SEPTIN3: variants seen among roughly 807,000 people sequenced by gnomAD.
SEPTIN3 encodes the protein neuronal-specific septin-3.
SEPTIN3 carries 15 observed loss-of-function variants against 45.1 expected under a neutral mutation model. The observed-to-expected ratio is 0.33, with a 90% confidence interval of 0.22 to 0.51. The LOEUF is 0.51. SEPTIN3 is among the 20% of genes least tolerant of loss of function. The probability of loss-of-function intolerance (pLI) is 0.97; values close to 1 mark genes in which losing one functional copy is unlikely to be tolerated. For synonymous variants in SEPTIN3, 148 were observed against 164.8 expected (o/e 0.90, Z 0.78); for missense variants, 289 against 457.2 (o/e 0.63, Z 3.35).
intron 7 of SEPTIN3, among the ~76,000 whole-genome samples, chr22:41,990,701 G>GTGCTACTGTA (rs1191549560): frequency 6.9e-6 from 1 of 144,736 alleles, no homozygotes; most frequent in African/African-American, 2.6e-5. Flanking sequence ...AGCTGAGATC[G>GTGCTACTGTA]TGCTACTGTA....
In SEPTIN3 at chr22:41,971,773, G is replaced by A. The variant is rs1299632232; in HGVS notation, c.281G>A (p.Ser94Asn). The A allele has an allele frequency of 2.5e-6, 1 of 399,112 alleles. No homozygotes were observed. The highest frequency in any genetic ancestry group is 3.6e-5 in the East Asian group (1 of 28,076). 24.7% of individuals were successfully genotyped at this position (399,112 alleles called of 1,614,324 possible). Residue 94 changes from serine (S) to asparagine (N), a missense_variant, in exon 2 of 12, where the codon AGC (serine) becomes AAC (asparagine). By Grantham distance (46) the Ser-to-Asn change is conservative. Around this residue, in one of 3 missense-constraint regions of SEPTIN3, gnomAD observed 200 missense variants for 315.1 expected, o/e 0.63. Transcript: ENST00000644076. The stretch of plus-strand genomic sequence containing the variant: ...GGCATCGCTCTGGGGGCTTCCTTGA[G>A]CCCCCTGCCCACCAGCAGCCTTGTA... ...ETGIALGASL[S>N]PLPTSSLVPR...
chr22:41,992,330 A>C (rs943259509), intron 8 of SEPTIN3, among the ~76,000 whole-genome samples: 21 of 152,272 alleles, frequency 1.4e-4, no homozygotes, highest in Admixed American at 1.4e-3. Flanking sequence ...AGTGAGTTGA[A>C]ATTGTGCCAT....
intron 1 of SEPTIN3, 27 bp downstream of exon 1, chr22:41,969,704 G>A (rs1414182500): frequency 6.8e-6 from 1 of 147,204 alleles, no homozygotes; most frequent in African/African-American, 2.5e-5. Flanking sequence ...GTGGAAGGGT[G>A]TGGGGGTTTG....
chr22:41,991,453 C>A, intron 7 of SEPTIN3, 120 bp from the exon 8 acceptor site: 1 of 736,052 alleles, frequency 1.4e-6, no homozygotes, highest in Non-Finnish European at 2.5e-6. Context: ...TCAGAGATGA[C>A]TGTGGATTAT....
chr22:41,997,004 T>A lies in SEPTIN3; in HGVS notation c.*37T>A. ...AGCGCTGCTTCTCACTCCATTCCTC[T>A]CAGCTGTTATTGCTGCAGGGCCAAG... On this transcript the variant is annotated 3_prime_UTR_variant, in exon 12 of 12. Coordinates refer to ENST00000644076, the MANE Select transcript of SEPTIN3 (RefSeq NM_001363845.2). 6.2e-7 allele frequency: 1 copy of A among 1,613,684 alleles called. No homozygotes were observed. The highest frequency in any genetic ancestry group is 8.5e-7 in the Non-Finnish European group (1 of 1,179,788).
rs2078380755 is a variant in SEPTIN3 at position 41,994,230 on chromosome 22, T to C, written c.2360-60T>C. On this transcript the variant is annotated intron_variant, in intron 9 of 11. Transcript: ENST00000644076. This position sits in a 1 kb window ranked among gnomAD's most constrained non-coding sequence, Gnocchi z 4.2. ...GTGACCCAAACAGAAGCTCACCTCC[T>C]GGGTGTTGCTGTATTAATGAACTGA... is the stretch of plus-strand genomic sequence containing the variant. 6 of 1,534,694 alleles carry C rather than the reference T, an allele frequency of 3.9e-6. No individual in the cohort carries two copies. In the African/African-American group the frequency reaches 8.2e-5, roughly 21 times the overall value.
chr22:41,981,431 C>T (rs2078118037), intron 2 of SEPTIN3: 1 of 499,214 alleles, frequency 2.0e-6, no homozygotes, highest in Admixed American at 3.4e-5. Context: ...CAGATTTTAC[C>T]TCTGACCTGC....
intron 3 of SEPTIN3, among the ~76,000 whole-genome samples, chr22:41,982,588 G>C (rs2078139955): frequency 6.6e-6 from 1 of 150,764 alleles, no homozygotes; most frequent in South Asian, 2.1e-4. Context: ...CTGCGTCACA[G>C]AATGTAAGAG....
At chr22:41,970,879 T>C (rs931957120) in intron 1 of SEPTIN3, among the ~76,000 whole-genome samples, 3 of 152,154 alleles carry the variant, frequency 2.0e-5, no homozygotes, top group Non-Finnish European at 2.9e-5. Context: ...ATCCTCACCT[T>C]CTCCAGGGCT....
chr22:41,976,450 C>T lies in SEPTIN3; in HGVS notation c.1504+3454C>T, dbSNP rs899004402. ...ATCATTCTGGAGCAGGGCCTGGAACCCGGGCCCCTGACTCGGCTCTACAGG... is the reference window on the plus strand; with the variant it reads ...ATCATTCTGGAGCAGGGCCTGGAACTCGGGCCCCTGACTCGGCTCTACAGG... On this transcript the variant is annotated intron_variant, in intron 2 of 11. Transcript: ENST00000644076. The surrounding 1 kb of genome is among the most constrained non-coding windows in gnomAD (Gnocchi z 5.8). 4 of 152,290 alleles carry T rather than the reference C, an allele frequency of 2.6e-5. No individual in the cohort carries two copies. Among genetic ancestry groups the T allele is most frequent in the Non-Finnish European group, 1.5e-5 (1 of 68,082 alleles). 9.4% of individuals were successfully genotyped at this position (152,290 alleles called of 1,614,324 possible). A position where few individuals can be genotyped will look rare whatever the true frequency, so the allele number is the denominator to read the frequency against.
chr22:41,974,953 T>C (rs887469678), intron 2 of SEPTIN3, among the ~76,000 whole-genome samples: 3 of 149,540 alleles, frequency 2.0e-5, no homozygotes, highest in South Asian at 2.1e-4. Flanking sequence ...ATTTGTCTAA[T>C]AGGTAGTCTC....
intron 3 of SEPTIN3, 118 bp from the exon 4 acceptor site, chr22:41,985,866 T>G (rs888756073): frequency 1.6e-6 from 2 of 1,263,354 alleles, no homozygotes; most frequent in Non-Finnish European, 2.1e-6. Flanking sequence ...CCCCAGTGAG[T>G]GGTCAGACAA....
chr22:41,982,376 C>T (rs1391073348), intron 3 of SEPTIN3, among the ~76,000 whole-genome samples: 7 of 151,988 alleles, frequency 4.6e-5, no homozygotes, highest in South Asian at 4.2e-4. Context: ...GGTGTGATGG[C>T]GCATGCCTGT....
chr22:41,994,831 T>G lies in SEPTIN3; in HGVS notation c.2505+117T>G, dbSNP rs1341113483. The stretch of plus-strand genomic sequence containing the variant: ...CCAAATACCACCACCAACCACCTTC[T>G]TCCTCTCAACTCTGTCCCACAGGCC... On this transcript the variant is annotated intron_variant, in intron 11 of 11. Transcript: ENST00000644076. The surrounding 1 kb of genome is among the most constrained non-coding windows in gnomAD (Gnocchi z 4.2). The G allele has an allele frequency of 2.5e-6, 4 of 1,598,518 alleles. No homozygotes were observed. The highest frequency in any genetic ancestry group is 3.4e-6 in the Non-Finnish European group (4 of 1,173,896).
At chr22:41,988,264 A>G (rs2078242808) in intron 6 of SEPTIN3, among the ~76,000 whole-genome samples, 1 of 152,130 alleles carries the variant, frequency 6.6e-6, no homozygotes, top group Admixed American at 6.6e-5. Context: ...AAGGCCAACC[A>G]TTGTCATGAA....
chr22:41,986,167 A>G, intron 4 of SEPTIN3, 55 bp downstream of exon 4: 1 of 1,596,066 alleles, frequency 6.3e-7, no homozygotes, highest in South Asian at 1.1e-5. Flanking sequence ...CCTCTGCTGG[A>G]AAGGGGAAAG....
At position 41,981,711 on chromosome 22, in the gene SEPTIN3, C is replaced by A; in HGVS notation, c.1571C>A (p.Ala524Glu). ...ELVPEPRPKPAVPMKPMSINS... is the reference protein window; with the variant it reads ...ELVPEPRPKPEVPMKPMSINS... ...GTGCCTGAGCCCAGGCCTAAGCCAGCGGTGCCCATGAAGCCCATGAGCATC... is the reference window on the plus strand; with the variant it reads ...GTGCCTGAGCCCAGGCCTAAGCCAGAGGTGCCCATGAAGCCCATGAGCATC... Residue 524 changes from alanine (A) to glutamate (E), a missense_variant, in exon 3 of 12, where the codon GCG becomes GAG. Ala to Glu is a moderately radical substitution (Grantham distance 107). Coordinates refer to ENST00000644076, the MANE Select transcript of SEPTIN3 (RefSeq NM_001363845.2). 2 of 1,613,962 alleles carry A rather than the reference C, an allele frequency of 1.2e-6. No individual in the cohort carries two copies. The highest frequency in any genetic ancestry group is 1.7e-6 in the Non-Finnish European group (2 of 1,179,964).
intron 3 of SEPTIN3, among the ~76,000 whole-genome samples, chr22:41,983,283 T>C (rs182078118): frequency 2.6e-5 from 4 of 152,336 alleles, no homozygotes; most frequent in Non-Finnish European, 5.9e-5. Flanking sequence ...ATTTCTCTCC[T>C]GAGGCAGACT....
chr22:41,990,491 A>T (rs555505785), intron 7 of SEPTIN3, among the ~76,000 whole-genome samples: 223 of 150,042 alleles, frequency 1.5e-3, no homozygotes, highest in Non-Finnish European at 2.9e-3. Flanking sequence ...CATGCCTGTA[A>T]TCCCAGCACT....
Sources: gnomAD v4.1 joint callset for allele counts (sites outside exome capture counted in the v4.1 genomes callset) on GRCh38, gnomAD v4.1.1 for gene constraint, gnomAD v4.1.1 regional missense constraint, Gnocchi (gnomAD v3.1) non-coding constraint, MANE v1.5 for transcripts, NCBI Gene and HGNC (gene_info 2026-07-23, HGNC 2026-07-21) for gene names.